ABHD10: variants seen among roughly 807,000 people sequenced by gnomAD.
The protein encoded by ABHD10 is abhydrolase domain containing 10, depalmitoylase.
Under a neutral mutation model 33.1 loss-of-function variants are expected in ABHD10, and 22 were observed. That is an observed-to-expected ratio of 0.66 (90% CI 0.47 to 0.95). The LOEUF (loss-of-function observed/expected upper bound fraction) is 0.95, where lower values mean the gene tolerates loss of function less well. Among genes scored for constraint, ABHD10 ranks in the 40% least tolerant of loss-of-function variants. The pLI is 0.00. For synonymous variants in ABHD10, 146 were observed against 133.9 expected (o/e 1.09, Z -0.62); for missense variants, 352 against 379.9 (o/e 0.93, Z 0.61).
intron 3 of ABHD10, 41 bp downstream of exon 3, chr3:111,986,416 C>T (rs772320396): frequency 8.7e-6 from 12 of 1,386,586 alleles, no homozygotes; most frequent in African/African-American, 1.5e-5. Context: ...ACTGTAACCT[C>T]GTATTTAAGC....
At chr3:111,979,227 A>G in intron 1 of ABHD10, 24 bp downstream of exon 1, 3 of 1,580,802 alleles carry the variant, frequency 1.9e-6, no homozygotes, top group Non-Finnish European at 1.7e-6. Flanking sequence ...AGGCGGGAGT[A>G]GGATGCGTTC....
At chr3:111,983,073 G>A (rs1577248357) in intron 2 of ABHD10, among the ~76,000 whole-genome samples, 2 of 152,030 alleles carry the variant, frequency 1.3e-5, no homozygotes, top group African/African-American at 4.8e-5. Flanking sequence ...TTGCCTATGA[G>A]GACCTTTCAT....
In ABHD10 at chr3:111,993,212, G is replaced by C. The variant is rs2072764760; in HGVS notation, c.*1491G>C. On this transcript the variant is annotated 3_prime_UTR_variant, in exon 5 of 5. Transcript: ENST00000273359. The stretch of plus-strand genomic sequence containing the variant: ...CAAGTGCTGTTACAACTGGTTGCTG[G>C]GAGAATTAAGCTCATCCTCTGTGAT... 1 of 152,136 alleles carries C rather than the reference G, an allele frequency of 6.6e-6. No individual in the cohort carries two copies. The highest frequency in any genetic ancestry group is 2.1e-4 in the South Asian group (1 of 4,824). 9.4% of individuals were successfully genotyped at this position (152,136 alleles called of 1,614,324 possible). A position where few individuals can be genotyped will look rare whatever the true frequency, so the allele number is the denominator to read the frequency against.
At chr3:111,988,077 G>A (rs1210915397) in intron 4 of ABHD10, among the ~76,000 whole-genome samples, 2 of 152,088 alleles carry the variant, frequency 1.3e-5, no homozygotes, top group South Asian at 2.1e-4. Context: ...GAGAATGGGG[G>A]AAGAGGAGAA....
chr3:111,982,390 C>G (rs2072596704), intron 2 of ABHD10: 1 of 152,852 alleles, frequency 6.5e-6, no homozygotes, highest in South Asian at 2.1e-4. Context: ...TGAGTTTTCT[C>G]TTCCCTCTCC....
intron 4 of ABHD10, among the ~76,000 whole-genome samples, chr3:111,990,992 A>C (rs2072732891): frequency 6.6e-6 from 1 of 152,094 alleles, no homozygotes; most frequent in Non-Finnish European, 1.5e-5. Context: ...TTTTCTTTTC[A>C]GTTGGGGTGA....
chr3:111,984,661 A>G (rs1365403599), intron 2 of ABHD10, among the ~76,000 whole-genome samples: 1 of 152,224 alleles, frequency 6.6e-6, no homozygotes, highest in Non-Finnish European at 1.5e-5. Flanking sequence ...AACAGGCCAA[A>G]GCACTAAGTG....
intron 4 of ABHD10, among the ~76,000 whole-genome samples, chr3:111,988,173 A>G (rs762207242): frequency 2.0e-5 from 3 of 152,254 alleles, no homozygotes; most frequent in African/African-American, 4.8e-5. Flanking sequence ...CAAGTTCTGC[A>G]TTAATACCTG....
rs553550119 is a variant in ABHD10, at chr3:111,993,171, G to A, written c.*1450G>A. On this transcript the variant is annotated 3_prime_UTR_variant, in exon 5 of 5. Coordinates refer to ENST00000273359, the MANE Select transcript of ABHD10 (RefSeq NM_018394.4). ...CACTCAGTCTCTAACAAGCTTTTCT[G>A]GTTGACAGTGTTTCACAAGTGCTGT... The A allele has an allele frequency of 6.6e-6, 1 of 152,280 alleles. No homozygotes were observed. Among genetic ancestry groups the A allele is most frequent in the South Asian group, 2.1e-4 (1 of 4,830 alleles). 9.4% of individuals were successfully genotyped at this position (152,280 alleles called of 1,614,324 possible). A position where few individuals can be genotyped will look rare whatever the true frequency, so the allele number is the denominator to read the frequency against.
At chr3:111,987,859 T>C (rs547259271) in intron 4 of ABHD10, among the ~76,000 whole-genome samples, 1 of 152,242 alleles carries the variant, frequency 6.6e-6, no homozygotes, top group East Asian at 1.9e-4. Context: ...CAGACAGATA[T>C]TGTCAGTCAG....
rs1336085578 is a variant in ABHD10 at position 111,981,818 on chromosome 3, T to C, written c.177T>C (p.Asn59=). The C allele has an allele frequency of 6.3e-7, 1 of 1,592,086 alleles. No homozygotes were observed. The highest frequency in any genetic ancestry group is 1.7e-4 in the Middle Eastern group (1 of 5,964). ...AAAAGACGTCACTCTCATTCCTTAA[T>C]CGACCAGACCTTCCAAACCTGGCTT... The part of the protein sequence containing the change: ...CRQKTSLSFL[N]RPDLPNLAYK... The change falls in exon 2 of 5, where the codon AAT becomes AAC. Residue 59 remains asparagine (N), a synonymous_variant. Coordinates refer to ENST00000273359, the MANE Select transcript of ABHD10 (RefSeq NM_018394.4).
In ABHD10 at chr3:111,993,317, T is replaced by A. The variant is rs956431116; in HGVS notation, c.*1596T>A. On this transcript the variant is annotated 3_prime_UTR_variant, in exon 5 of 5. Transcript: ENST00000273359. ...CATGTGTCTTTTTTCCTTTGCTGAT[T>A]TTGTTTTGTATCCTTTCACTGTAAT... The A allele has an allele frequency of 2.0e-5, 3 of 152,076 alleles. No individual in the cohort carries two copies. Among genetic ancestry groups the A allele is most frequent in the Non-Finnish European group, 4.4e-5 (3 of 68,034 alleles). The allele number at this position is 152,076 out of a possible 1,614,324, so 9.4% of individuals were successfully genotyped here.
chr3:111,987,487 A>G (rs879575581), intron 4 of ABHD10, among the ~76,000 whole-genome samples: 16 of 152,282 alleles, frequency 1.1e-4, no homozygotes, highest in Non-Finnish European at 1.8e-4. Context: ...ATCCCTTGGT[A>G]TCTGAAGGGG....
At chr3:111,980,626 G>A (rs369295151) in intron 1 of ABHD10, among the ~76,000 whole-genome samples, 11 of 152,098 alleles carry the variant, frequency 7.2e-5, no homozygotes, top group African/African-American at 1.7e-4. Context: ...ATTTTATAAT[G>A]GGGGAAAATT....
rs770823119 is a variant in ABHD10 at position 111,979,203 on chromosome 3, G to C, written c.142G>C (p.Ala48Pro). The change falls in exon 1 of 5, where the codon GCT becomes CCT. Residue 48 changes from alanine (A) to proline (P), a missense_variant and splice_region_variant. Ala to Pro is a conservative substitution (Grantham distance 27). Transcript: ENST00000273359. ...IPQRAPRWLP[A>P]CRQKTSLSFL... The stretch of plus-strand genomic sequence containing the variant: ...TCAGCGGGCGCCACGGTGGCTCCCA[G>C]GTCAGTGTCCGAAAGGCGGGAGTAG... 1.3e-6 allele frequency: 2 copies of C among 1,596,424 alleles called. No homozygotes were observed. The highest frequency in any genetic ancestry group is 1.3e-5 in the African/African-American group (1 of 74,588).
intron 1 of ABHD10, among the ~76,000 whole-genome samples, chr3:111,981,512 G>A (rs1403996213): frequency 2.0e-5 from 3 of 152,018 alleles, no homozygotes; most frequent in African/African-American, 7.2e-5. Flanking sequence ...TCTGTCTTTT[G>A]TTGTCTTGAA....
intron 4 of ABHD10, chr3:111,990,563 G>T (rs1381573869): frequency 3.0e-6 from 1 of 337,634 alleles, no homozygotes; most frequent in African/African-American, 2.1e-5. Flanking sequence ...AAAAATAAGA[G>T]TTCTCAAAAA....
chr3:111,983,399 A>G (rs2072610799), intron 2 of ABHD10, among the ~76,000 whole-genome samples: 1 of 152,160 alleles, frequency 6.6e-6, no homozygotes, highest in African/African-American at 2.4e-5. Context: ...TGAGACTATG[A>G]GAGTTATAAC....
Sources: gnomAD v4.1 joint callset for allele counts (sites outside exome capture counted in the v4.1 genomes callset) on GRCh38, gnomAD v4.1.1 for gene constraint, MANE v1.5 for transcripts, NCBI Gene and HGNC (gene_info 2026-07-23, HGNC 2026-07-21) for gene names.